TNS1: variants seen among roughly 807,000 people sequenced by gnomAD.
TNS1 encodes the protein tensin 1.
Under a neutral mutation model 168.6 loss-of-function variants are expected in TNS1, and 62 were observed. The ratio of observed to expected loss-of-function variants is 0.37; its 90% CI spans 0.30 to 0.45. TNS1 has a LOEUF of 0.45. TNS1 is among the 20% of genes least tolerant of loss of function. The probability of loss-of-function intolerance (pLI) is 1.00; values close to 1 mark genes in which losing one functional copy is unlikely to be tolerated. For synonymous variants in TNS1, 934 were observed against 933.2 expected, an observed-to-expected ratio of 1.00 and a Z score of -0.02; for missense variants, 2,240 against 2,339.4, an observed-to-expected ratio of 0.96 and a Z score of 0.88.
At chr2:218,016,300 G>A (rs895659870) in intron 1 of TNS1, among the ~76,000 whole-genome samples, 1 of 152,150 alleles carries the variant, frequency 6.6e-6, no homozygotes, top group East Asian at 1.9e-4. Context: ...GAGAGGCTGC[G>A]ACAGTGACAG....
intron 19 of TNS1, among the ~76,000 whole-genome samples, chr2:217,843,544 C>T (rs1170729537): frequency 1.3e-5 from 2 of 152,146 alleles, no homozygotes; most frequent in Non-Finnish European, 2.9e-5. Context: ...TCCTCAATCC[C>T]CCACAGTCTG....
At chr2:217,922,930 GTC>G (rs1955807377) in intron 3 of TNS1, among the ~76,000 whole-genome samples, 1 of 152,088 alleles carries the variant, frequency 6.6e-6, no homozygotes, top group Non-Finnish European at 1.5e-5. Context: ...AGTGTTTCTT[GTC>G]TCTCTCTTTT....
chr2:217,830,954 G>A (rs572098817), intron 22 of TNS1, among the ~76,000 whole-genome samples: 1 of 152,222 alleles, frequency 6.6e-6, no homozygotes, highest in South Asian at 2.1e-4. Context: ...TGAATGCCAG[G>A]TGATGCCTTG....
chr2:218,007,245 T>C (rs10173489), upstream of TNS1, among the ~76,000 whole-genome samples: 126,973 of 152,116 alleles, frequency 0.83, 53,263 homozygotes, highest in East Asian at 0.95. Flanking sequence ...GATTCTGGTA[T>C]TCTCCCCCTT....
intron 17 of TNS1, 45 bp downstream of exon 17, chr2:217,882,301 G>A (rs1950757853): frequency 1.5e-6 from 2 of 1,351,482 alleles, no homozygotes; most frequent in African/African-American, 1.4e-5. Context: ...ATAGGGTCAG[G>A]ATAAAAGGAA....
At chr2:217,992,978 A>G (rs568049500) in intron 1 of TNS1, among the ~76,000 whole-genome samples, 1 of 152,290 alleles carries the variant, frequency 6.6e-6, no homozygotes, top group South Asian at 2.1e-4. Flanking sequence ...AACTTATGAT[A>G]CTGTATTTTT....
intron 18 of TNS1, chr2:217,850,042 C>A: frequency 2.0e-6 from 2 of 985,454 alleles, no homozygotes; most frequent in African/African-American, 1.7e-5. Context: ...TCCTCCCCAG[C>A]ACTGCCCACT....
Position 217,885,131 on chromosome 2 carries a change from C to T in TNS1, c.1150G>A (p.Ala384Thr), listed in dbSNP as rs746506634. The stretch of plus-strand genomic sequence containing the variant: ...TGCACACGGAAGATGACGTCTCGGG[C>T]TGGGCTTCGGAACTTCTTGTGGTAG... ...KCYHKKFRSP[A>T]RDVIFRVQFH... The change falls in exon 16 of 33, where the codon GCC (alanine) becomes ACC (threonine). Residue 384 changes from alanine to threonine, a missense_variant. By Grantham distance (58) the Ala-to-Thr change is moderately conservative. Coordinates refer to ENST00000682258, the MANE Select transcript of TNS1 (RefSeq NM_001387777.1). The T allele has an allele frequency of 1.9e-6, 3 of 1,614,224 alleles. No individual in the cohort carries two copies. The highest frequency in any genetic ancestry group is 2.5e-6 in the Non-Finnish European group (3 of 1,180,034).
chr2:217,981,437 G>C (rs533488408), intron 2 of TNS1, among the ~76,000 whole-genome samples: 2 of 151,932 alleles, frequency 1.3e-5, no homozygotes, highest in East Asian at 1.9e-4. Context: ...GCCCTCAAGT[G>C]GGGGGGCAAA....
rs759083211 is a variant in TNS1, at chr2:217,886,642, C to T, written c.871G>A (p.Val291Met). 7 of 1,580,582 alleles carry T rather than the reference C, an allele frequency of 4.4e-6. No individual in the cohort carries two copies. The highest frequency in any genetic ancestry group is 3.7e-5 in the Admixed American group (2 of 54,248). Residue 291 changes from valine to methionine, a missense_variant, in exon 13 of 33, where the codon GTG becomes ATG. Val to Met is a conservative substitution (Grantham distance 21). Around this residue, in one of 2 missense-constraint regions of TNS1, gnomAD observed 2,131 missense variants for 2,171.2 expected, o/e 0.98. Transcript: ENST00000682258. ...PIGQPSQRRY[V>M]HYFSGLLSGS... ...GAGAGCAGGCCACTGAAGTAATGCA[C>T]GTACCTGTAGTGGTGGGAGAAGCAG...
rs1203032369 is a variant in TNS1 at position 217,946,959 on chromosome 2, T to TCACACA, written c.187-26724_187-26723insTGTGTG. ...ATCGCTCTCTCTCTCTCTCTCTCTC[T>TCACACA]CTCTCTCTCTCACACACACACACAC... On this transcript the variant is annotated intron_variant, in intron 3 of 32. Coordinates refer to ENST00000682258, the MANE Select transcript of TNS1 (RefSeq NM_001387777.1). Among the ~76,000 whole-genome samples, 732 of 128,588 alleles carry TCACACA rather than the reference T, an allele frequency of 5.7e-3. 6 individuals carry two copies. Among genetic ancestry groups the TCACACA allele is most frequent in the African/African-American group, 0.022 (525 of 23,532 alleles). The allele number at this position is 128,588 out of a possible 152,430, so 84.4% of individuals were successfully genotyped here.
At chr2:217,924,421 T>C (rs1475565922) in intron 3 of TNS1, among the ~76,000 whole-genome samples, 1 of 152,224 alleles carries the variant, frequency 6.6e-6, no homozygotes, top group African/African-American at 2.4e-5. Context: ...TGTGCTTCCT[T>C]GTCTATAATC....
At chr2:217,910,552 C>T (rs1954254641) in intron 4 of TNS1, among the ~76,000 whole-genome samples, 1 of 151,896 alleles carries the variant, frequency 6.6e-6, no homozygotes, top group South Asian at 2.1e-4. Flanking sequence ...GCTGCCACTG[C>T]CCCAGGCCCT....
Position 217,952,654 on chromosome 2 carries a change from G to A in TNS1, c.186+26111C>T, listed in dbSNP as rs370648539. 2.2e-4 allele frequency among the ~76,000 whole-genome samples: 33 copies of A among 152,326 alleles called. 2 individuals carry two copies. Among genetic ancestry groups the A allele is most frequent in the East Asian group, 1.3e-3 (7 of 5,188 alleles). On this transcript the variant is annotated intron_variant, in intron 3 of 32. Transcript: ENST00000682258. ...CAGCTTGTTCTCCAACTCGGATGGC[G>A]TGGACACTTGACCTTTACGCTGGTA... is the stretch of plus-strand genomic sequence containing the variant.
chr2:217,866,664 G>C (rs1210099548), intron 18 of TNS1, among the ~76,000 whole-genome samples: 2 of 152,168 alleles, frequency 1.3e-5, no homozygotes, highest in African/African-American at 2.4e-5. Flanking sequence ...TCCTCAACCA[G>C]AGCAGAATTA....
intron 4 of TNS1, among the ~76,000 whole-genome samples, chr2:217,913,651 T>A (rs1954679440): frequency 6.6e-6 from 1 of 152,118 alleles, no homozygotes; most frequent in Non-Finnish European, 1.5e-5. Context: ...TTTGGGTCAC[T>A]TCCCCACTCA....
At chr2:217,857,553 A>G (rs1282433743) in intron 18 of TNS1, among the ~76,000 whole-genome samples, 1 of 152,158 alleles carries the variant, frequency 6.6e-6, no homozygotes, top group Admixed American at 6.5e-5. Context: ...GACCCTCCTT[A>G]GGAAGGACCC....
At chr2:218,017,123 T>C (rs1958769153) in intron 1 of TNS1, among the ~76,000 whole-genome samples, 1 of 152,076 alleles carries the variant, frequency 6.6e-6, no homozygotes, top group Non-Finnish European at 1.5e-5. Flanking sequence ...GTGGGGAGTA[T>C]GGACTGAGAC....
intron 3 of TNS1, chr2:217,937,219 C>T (rs541714141): frequency 5.0e-5 from 18 of 361,164 alleles, no homozygotes; most frequent in African/African-American, 1.3e-4. Flanking sequence ...TCGTGTCTCC[C>T]GGTCTTTCCA....
Sources: gnomAD v4.1 joint callset for allele counts (sites outside exome capture counted in the v4.1 genomes callset) on GRCh38, gnomAD v4.1.1 for gene constraint, gnomAD v4.1.1 regional missense constraint, MANE v1.5 for transcripts, NCBI Gene and HGNC (gene_info 2026-07-23, HGNC 2026-07-21) for gene names.